The following BANK1 variants were observed in gnomAD, a reference collection of about 807,000 sequenced individuals.
The protein encoded by BANK1 is B cell scaffold protein with ankyrin repeats 1, also known as B-cell scaffold protein with ankyrin repeats.
Under a neutral mutation model 94.5 loss-of-function variants are expected in BANK1, and 95 were observed. The observed-to-expected ratio is 1.00, with a 90% CI of 0.85 to 1.19. The LOEUF is 1.19. Ranked by LOEUF, BANK1 falls within the 50% of genes most tolerant of loss-of-function variation. The pLI is 0.00. For synonymous variants in BANK1, 334 were observed against 308.4 expected (o/e 1.08, Z -0.87); for missense variants, 987 against 932.2 (o/e 1.06, Z -0.77).
chr4:101,883,184 G>A (rs1030735821), intron 5 of BANK1, among the ~76,000 whole-genome samples: 2 of 152,130 alleles, frequency 1.3e-5, no homozygotes, highest in Non-Finnish European at 2.9e-5. Context: ...CCAAATTGGG[G>A]TAGTTCAGAT....
rs1026374433 is a variant in BANK1 at position 101,808,127 on chromosome 4, A to C, written c.70+17177A>C. Among the ~76,000 whole-genome samples, 40 of 152,022 alleles carry C rather than the reference A, an allele frequency of 2.6e-4. 1 individual carries two copies. Among genetic ancestry groups the C allele is most frequent in the Admixed American group, 2.5e-3 (38 of 15,276 alleles). Reference sequence around the variant, plus strand: ...GAAATTTAAAAAAATAAAAAATAAAATCCAAGACAGCCTGACTTGAAAGCC... The same window carrying C: ...GAAATTTAAAAAAATAAAAAATAAACTCCAAGACAGCCTGACTTGAAAGCC... On this transcript the variant is annotated intron_variant, in intron 1 of 16. Coordinates refer to ENST00000322953, the MANE Select transcript of BANK1 (RefSeq NM_017935.5).
At chr4:101,910,694 G>GAAAAA (rs1159879652) in intron 6 of BANK1, among the ~76,000 whole-genome samples, 1 of 67,738 alleles carries the variant, frequency 1.5e-5, no homozygotes, top group African/African-American at 5.8e-5. Context: ...ACTCCGTCTC[G>GAAAAA]AAAAAAAAAA....
rs547425839 is a variant in BANK1, at chr4:101,894,745, T to G, written c.904-560T>G. On this transcript the variant is annotated intron_variant, in intron 5 of 16. Transcript: ENST00000322953. ...GTAGAACACTTGAATACTGGATGGC[T>G]CCTCCCAAGATGCTTAGGTTAGAGA... Among the ~76,000 whole-genome samples the G allele has an allele frequency of 2.0e-5, 3 of 152,028 alleles. No individual in the cohort carries two copies. The South Asian group carries it at 6.2e-4, about 32-fold the overall frequency.
rs1727234073 is a variant in BANK1 at position 102,030,010 on chromosome 4, G to C, written c.1645G>C (p.Gly549Arg). 3.1e-6 allele frequency: 5 copies of C among 1,613,012 alleles called. No homozygotes were observed. In the South Asian group the frequency reaches 3.3e-5, roughly 11 times the overall value. The change falls in exon 10 of 17, where the codon GGT (glycine) becomes CGT (arginine). Residue 549 changes from glycine to arginine, a missense_variant. By Grantham distance (125) the Gly-to-Arg change is moderately radical (BLOSUM62 -2). Coordinates refer to ENST00000322953, the MANE Select transcript of BANK1 (RefSeq NM_017935.5). ...MERSQNWGHP[G>R]VRQETGDEPK... ...AAGAAGTCAAAACTGGGGTCATCCT[G>C]GTGTTAGACAAGAAACAGGAGATGA...
At position 101,844,687 on chromosome 4, in the gene BANK1, ATTC is replaced by A. The variant is rs1185182839; in HGVS notation, c.470-10343_470-10341del. ...AAACTCAATTCTTAGTAAAATCATA[ATTC>A]TTCTCAGAAGATAATGGTTGCATCC... On this transcript the variant is annotated intron_variant, in intron 2 of 16. Transcript: ENST00000322953. Among the ~76,000 whole-genome samples the A allele has an allele frequency of 1.2e-4, 18 of 152,330 alleles. 1 individual carries two copies. The highest frequency in any genetic ancestry group is 3.4e-4 in the African/African-American group (14 of 41,564).
At chr4:101,833,074 G>A (rs1246823248) in intron 2 of BANK1, among the ~76,000 whole-genome samples, 1 of 151,988 alleles carries the variant, frequency 6.6e-6, no homozygotes, top group African/African-American at 2.4e-5. Flanking sequence ...CCACCTCCCA[G>A]GTTCAAGCAA....
intron 1 of BANK1, among the ~76,000 whole-genome samples, chr4:101,820,328 A>C (rs886783567): frequency 6.6e-6 from 1 of 152,094 alleles, no homozygotes; most frequent in African/African-American, 2.4e-5. Flanking sequence ...TTTTTTGTGG[A>C]ATTTTCTCCC....
intron 7 of BANK1, among the ~76,000 whole-genome samples, chr4:102,012,248 C>G (rs1328857920): frequency 6.6e-6 from 1 of 152,186 alleles, no homozygotes; most frequent in Non-Finnish European, 1.5e-5. Flanking sequence ...ACTTACTCCA[C>G]AGGAACAACC....
intron 7 of BANK1, among the ~76,000 whole-genome samples, chr4:101,950,031 G>GTGTT (rs1724080363): frequency 1.7e-5 from 1 of 57,540 alleles, no homozygotes. Flanking sequence ...GTGTGTGTGT[G>GTGTT]TGTGTGTGTG....
At chr4:102,062,398 CAATT>C (rs892705452) in intron 12 of BANK1, 4 of 152,164 alleles carry the variant, frequency 2.6e-5, no homozygotes, top group Admixed American at 1.3e-4. Context: ...GCAATGGAAA[CAATT>C]AAATAGGAAA....
At chr4:102,040,141 G>A (rs1007402675) in intron 10 of BANK1, among the ~76,000 whole-genome samples, 63 of 151,964 alleles carry the variant, frequency 4.1e-4, no homozygotes, top group Admixed American at 7.9e-4. Flanking sequence ...GAATATTCTC[G>A]CAGATGCAGC....
At chr4:101,878,814 C>CA (rs1362064894) in intron 5 of BANK1, among the ~76,000 whole-genome samples, 1 of 151,870 alleles carries the variant, frequency 6.6e-6, no homozygotes, top group Admixed American at 6.6e-5. Context: ...TGAAAACTTA[C>CA]AAATACATGG....
chr4:102,058,006 C>CT (rs1222012658), intron 11 of BANK1, among the ~76,000 whole-genome samples: 5 of 151,976 alleles, frequency 3.3e-5, no homozygotes, highest in Non-Finnish European at 7.4e-5. Context: ...TTGTATCCTG[C>CT]TTTTGTACTT....
intron 2 of BANK1, among the ~76,000 whole-genome samples, chr4:101,852,483 TATATATATATATATATATATACAC>T (rs1212222422): frequency 2.8e-5 from 3 of 107,352 alleles, no homozygotes; most frequent in East Asian, 2.7e-4. Context: ...TATATATATA[TATATATATATATATATATATACAC>T]ACACACATAT....
intron 7 of BANK1, among the ~76,000 whole-genome samples, chr4:101,998,292 T>C (rs576939611): frequency 6.6e-6 from 1 of 152,326 alleles, no homozygotes; most frequent in South Asian, 2.1e-4. Context: ...CGGTTTGTTA[T>C]TATTTCTGTT....
chr4:101,951,894 C>G (rs753725591), intron 7 of BANK1, among the ~76,000 whole-genome samples: 3 of 151,798 alleles, frequency 2.0e-5, no homozygotes, highest in Non-Finnish European at 4.4e-5. Context: ...AATGTGTGCT[C>G]ATAAGTAGAA....
At chr4:101,839,937 A>ATTTATTTATTTATTTTTTT (rs1726969190) in intron 2 of BANK1, among the ~76,000 whole-genome samples, 1 of 53,036 alleles carries the variant, frequency 1.9e-5, no homozygotes, top group African/African-American at 7.5e-5. Context: ...CAAATATTTA[A>ATTTATTTATTTATTTTTTT]TTTTTTTTTT....
intron 7 of BANK1, among the ~76,000 whole-genome samples, chr4:101,962,143 C>T (rs1724591276): frequency 6.6e-6 from 1 of 152,184 alleles, no homozygotes; most frequent in Non-Finnish European, 1.5e-5. Context: ...AGATTGTTCT[C>T]TCACAAATTA....
At chr4:101,997,346 G>C (rs1369416426) in intron 7 of BANK1, among the ~76,000 whole-genome samples, 2 of 152,066 alleles carry the variant, frequency 1.3e-5, no homozygotes, top group Admixed American at 6.6e-5. Flanking sequence ...ATTTTATTGA[G>C]AATTATTGCA....
Sources: allele counts gnomAD v4.1 joint callset (sites outside exome capture counted in the v4.1 genomes callset), GRCh38; gene constraint gnomAD v4.1.1; transcripts MANE v1.5; gene names NCBI Gene and HGNC (gene_info 2026-07-23, HGNC 2026-07-21).